Variants in PALM2AKAP2 observed in about 807,000 individuals in gnomAD.
PALM2AKAP2 encodes the protein PALM2 and AKAP2 fusion.
A neutral mutation model predicts 71.5 loss-of-function variants in PALM2AKAP2; 37 were observed. The ratio of observed to expected loss-of-function variants is 0.52; its 90% confidence interval spans 0.40 to 0.68. The LOEUF (loss-of-function observed/expected upper bound fraction) is 0.68, where lower values mean the gene tolerates loss of function less well. PALM2AKAP2 is among the 30% of genes least tolerant of loss of function. The pLI is 0.00. For missense variants in PALM2AKAP2, 1,224 were observed against 1,191.8 expected (o/e 1.03, Z -0.40); for synonymous variants, 468 against 478.8 (o/e 0.98, Z 0.29).
At chr9:109,698,271 C>CTTTT (rs1564117062) in intron 1 of PALM2AKAP2, among the ~76,000 whole-genome samples, 5 of 137,604 alleles carry the variant, frequency 3.6e-5, no homozygotes, top group African/African-American at 1.5e-4. Context: ...ATGTGTGCTA[C>CTTTT]ATTTTTTTTT....
exon 2 of PALM2AKAP2, chr9:110,137,399 G>A (rs768179844): frequency 9.9e-6 from 16 of 1,613,982 alleles, no homozygotes; most frequent in Admixed American, 8.3e-5. Context: ...TGCCTCAGCC[G>A]CCAAGGGACA....
intron 6 of PALM2AKAP2, among the ~76,000 whole-genome samples, chr9:109,949,228 C>G (rs1479351781): frequency 6.6e-6 from 1 of 152,228 alleles, no homozygotes; most frequent in Non-Finnish European, 1.5e-5. Flanking sequence ...AGCGCATGAC[C>G]TCTTGTAGTC....
At chr9:109,863,745 G>A (rs574473308) in intron 1 of PALM2AKAP2, among the ~76,000 whole-genome samples, 21 of 149,896 alleles carry the variant, frequency 1.4e-4, no homozygotes, top group South Asian at 4.2e-4. Context: ...AATTCTGAGC[G>A]TAGGCTGGTT....
chr9:110,048,462 C>G (rs1432360828), upstream of PALM2AKAP2: 1 of 514,926 alleles, frequency 1.9e-6, no homozygotes, highest in East Asian at 3.8e-5. Flanking sequence ...TCCATCCCTC[C>G]GTCTTTCCCT....
intron 6 of PALM2AKAP2, among the ~76,000 whole-genome samples, chr9:109,985,796 T>G (rs1832365803): frequency 6.6e-6 from 1 of 151,972 alleles, no homozygotes; most frequent in Non-Finnish European, 1.5e-5. Flanking sequence ...ATTACAGGCA[T>G]GCACCACCAT....
At chr9:109,996,811 C>T (rs1313377900) in intron 6 of PALM2AKAP2, among the ~76,000 whole-genome samples, 2 of 152,154 alleles carry the variant, frequency 1.3e-5, no homozygotes, top group Non-Finnish European at 2.9e-5. Flanking sequence ...GGGCTGTGCA[C>T]ATGTATGTGT....
chr9:109,911,327 C>G (rs1018768795), intron 3 of PALM2AKAP2, among the ~76,000 whole-genome samples: 1 of 152,160 alleles, frequency 6.6e-6, no homozygotes, highest in Non-Finnish European at 1.5e-5. Context: ...GTGCTCAGCT[C>G]AAGCCTGGAA....
Position 110,145,171 on chromosome 9 carries a change from T to C in PALM2AKAP2, c.2569+6632T>C, listed in dbSNP as rs577654408. On this transcript the variant is annotated intron_variant, in intron 2 of 3. Transcript: ENST00000374525. ...AATCCTTCTTTTGCGGTGGCCTGGG[T>C]GTATAAATTTGACTCTCAGGGGCCA... Among the ~76,000 whole-genome samples, 4 of 152,174 alleles carry C rather than the reference T, an allele frequency of 2.6e-5. No individual in the cohort carries two copies. In the South Asian group the frequency reaches 8.3e-4, roughly 32 times the overall value.
rs188581186 is a variant in PALM2AKAP2 at position 110,095,651 on chromosome 9, C to T, written c.157-40476C>T. On this transcript the variant is annotated intron_variant, in intron 1 of 3. Coordinates refer to ENST00000374525, the Ensembl canonical transcript of PALM2AKAP2. ...GGAATTGCACAAAGCAAGTAGGAGA[C>T]GGGGAAGAAGACCGTTCTAAGCAGG... 1.6e-4 allele frequency among the ~76,000 whole-genome samples: 24 copies of T among 152,182 alleles called. No individual in the cohort carries two copies. The East Asian group carries it at 3.9e-3, about 25-fold the overall frequency.
intron 3 of PALM2AKAP2, 113 bp downstream of exon 10, chr9:110,162,245 T>C: frequency 6.7e-7 from 1 of 1,482,898 alleles, no homozygotes; most frequent in South Asian, 1.1e-5. Flanking sequence ...AAATGACTTG[T>C]CTCCATATGT....
intron 2 of PALM2AKAP2, among the ~76,000 whole-genome samples, chr9:109,868,530 T>C (rs1422456750): frequency 6.6e-6 from 1 of 152,146 alleles, no homozygotes; most frequent in Non-Finnish European, 1.5e-5. Flanking sequence ...TCGGTATGAA[T>C]TATCTAGATT....
chr9:110,017,013 G>A (rs909815823), intron 7 of PALM2AKAP2, among the ~76,000 whole-genome samples: 3 of 152,086 alleles, frequency 2.0e-5, no homozygotes, highest in Non-Finnish European at 4.4e-5. Context: ...CTGAGTAGCT[G>A]GGACTACAGG....
At chr9:109,689,867 A>G (rs373850069) in intron 1 of PALM2AKAP2, among the ~76,000 whole-genome samples, 2 of 152,338 alleles carry the variant, frequency 1.3e-5, no homozygotes, top group Non-Finnish European at 2.9e-5. Context: ...AGGATTATGC[A>G]TGTTAAATTT....
Position 110,136,377 on chromosome 9 carries a change from A to G in PALM2AKAP2, c.407A>G (p.Asn136Ser), listed in dbSNP as rs549287398. The G allele has an allele frequency of 8.7e-6, 14 of 1,614,202 alleles. No individual in the cohort carries two copies. The African/African-American group carries it at 1.9e-4, about 22-fold the overall frequency. ...ACTGATCACCACGAATCCCTGGATAATGATGTTGCCAGAGAGATCCGCTAT... is the reference window on the plus strand; with the variant it reads ...ACTGATCACCACGAATCCCTGGATAGTGATGTTGCCAGAGAGATCCGCTAT... Residue 136 changes from asparagine (N) to serine (S), a missense_variant, in exon 2 of 4, where the codon AAT (asparagine) becomes AGT (serine). Coordinates refer to ENST00000374525, the Ensembl canonical transcript of PALM2AKAP2.
chr9:109,905,016 T>C (rs1830415415), intron 3 of PALM2AKAP2, among the ~76,000 whole-genome samples: 1 of 152,100 alleles, frequency 6.6e-6, no homozygotes, highest in Non-Finnish European at 1.5e-5. Context: ...TATCTGGAGG[T>C]TCCAATTTGC....
intron 2 of PALM2AKAP2, among the ~76,000 whole-genome samples, chr9:110,151,384 G>A (rs1220605655): frequency 6.6e-6 from 1 of 152,164 alleles, no homozygotes; most frequent in African/African-American, 2.4e-5. Context: ...ATTCTATGAA[G>A]TGAGGTTTTC....
intron 6 of PALM2AKAP2, among the ~76,000 whole-genome samples, chr9:110,002,558 G>A (rs1481957162): frequency 2.0e-5 from 3 of 152,100 alleles, no homozygotes; most frequent in African/African-American, 7.2e-5. Flanking sequence ...AATGAGTTAG[G>A]GATGATTCCC....
intron 2 of PALM2AKAP2, among the ~76,000 whole-genome samples, chr9:110,149,106 A>G (rs530887403): frequency 6.6e-6 from 1 of 152,366 alleles, no homozygotes; most frequent in African/African-American, 2.4e-5. Context: ...CAGCCAAGGC[A>G]TGGCTTGCTT....
At chr9:110,015,955 A>G in exon 7 of PALM2AKAP2, 2 of 1,613,656 alleles carry the variant, frequency 1.2e-6, no homozygotes, top group South Asian at 2.2e-5. Flanking sequence ...TTCTTTCAGG[A>G]GTCGGGTGGG....
Sources: allele counts gnomAD v4.1 joint callset (sites outside exome capture counted in the v4.1 genomes callset), GRCh38; gene constraint gnomAD v4.1.1; transcripts MANE v1.5; gene names NCBI Gene and HGNC (gene_info 2026-07-23, HGNC 2026-07-21).